SH3RF3: variants seen among roughly 807,000 people sequenced by gnomAD.
SH3RF3 encodes E3 ubiquitin-protein ligase SH3RF3.
SH3RF3 carries 29 observed loss-of-function variants against 66.3 expected under a neutral mutation model. The ratio of observed to expected loss-of-function variants is 0.44; its 90% CI spans 0.33 to 0.60. The LOEUF is 0.60. SH3RF3 is among the 20% of genes least tolerant of loss of function. SH3RF3 has a pLI of 0.04. For synonymous variants in SH3RF3, 583 were observed against 532.0 expected, an observed-to-expected ratio of 1.10 and a Z score of -1.32; for missense variants, 1,194 against 1,190.9, an observed-to-expected ratio of 1.00 and a Z score of -0.04.
chr2:109,206,999 C>T (rs376827261), intron 1 of SH3RF3, among the ~76,000 whole-genome samples: 7 of 152,154 alleles, frequency 4.6e-5, no homozygotes, highest in African/African-American at 1.7e-4. Context: ...TGGCTGAGCG[C>T]TGCATTTGCA....
intron 3 of SH3RF3, among the ~76,000 whole-genome samples, chr2:109,383,566 G>A (rs1675750442): frequency 6.6e-6 from 1 of 152,162 alleles, no homozygotes; most frequent in Admixed American, 6.5e-5. Context: ...GCTGAGGCAC[G>A]TTTAAGATTC....
At chr2:109,403,949 A>G (rs938707165) in intron 4 of SH3RF3, among the ~76,000 whole-genome samples, 1 of 152,150 alleles carries the variant, frequency 6.6e-6, no homozygotes, top group Non-Finnish European at 1.5e-5. Context: ...TGGTAGGTGT[A>G]CCTTGAGTGT....
chr2:109,459,573 C>T (rs1286168829), intron 8 of SH3RF3, among the ~76,000 whole-genome samples: 1 of 152,180 alleles, frequency 6.6e-6, no homozygotes, highest in Non-Finnish European at 1.5e-5. Context: ...CAGACATGCT[C>T]TTGCCCATGT....
intron 1 of SH3RF3, among the ~76,000 whole-genome samples, chr2:109,215,265 G>A (rs1679081095): frequency 6.6e-6 from 1 of 152,206 alleles, no homozygotes; most frequent in Non-Finnish European, 1.5e-5. Flanking sequence ...GGGTAGGGGA[G>A]AAGGCCACTT....
intron 8 of SH3RF3, among the ~76,000 whole-genome samples, chr2:109,477,666 G>A (rs1678722303): frequency 6.6e-6 from 1 of 152,100 alleles, no homozygotes; most frequent in Non-Finnish European, 1.5e-5. Context: ...TCAGCAACAG[G>A]AGTGATTTCC....
chr2:109,393,885 GA>G (rs36100571), intron 3 of SH3RF3, among the ~76,000 whole-genome samples: 7 of 145,814 alleles, frequency 4.8e-5, no homozygotes, highest in South Asian at 4.3e-4. Context: ...CCTTTTTTAA[GA>G]AAAAAAAAAC....
intron 1 of SH3RF3, among the ~76,000 whole-genome samples, chr2:109,154,814 A>G (rs911187092): frequency 6.6e-6 from 1 of 152,174 alleles, no homozygotes; most frequent in African/African-American, 2.4e-5. Context: ...CCTGCTGCAT[A>G]GAGCCTTCTG....
intron 1 of SH3RF3, among the ~76,000 whole-genome samples, chr2:109,239,741 C>A (rs143075799): frequency 0.01 from 1,530 of 152,218 alleles, 11 homozygotes; most frequent in South Asian, 0.024. Flanking sequence ...AATGGAGCCA[C>A]CTGTGGAAAG....
At chr2:109,199,096 A>G (rs1678577491) in intron 1 of SH3RF3, among the ~76,000 whole-genome samples, 1 of 152,018 alleles carries the variant, frequency 6.6e-6, no homozygotes, top group Non-Finnish European at 1.5e-5. Flanking sequence ...ATGGTGGTTC[A>G]TGCCTGTAAT....
intron 9 of SH3RF3, among the ~76,000 whole-genome samples, chr2:109,495,477 CTTTTTTTTTTTTTTTTT>C (rs569509984): frequency 1.5e-4 from 14 of 94,238 alleles, no homozygotes; most frequent in Admixed American, 2.3e-4. Context: ...TCTTTCATTC[CTTTTTTTTTTTTTTTTT>C]TTTTTTTTTT....
At chr2:109,335,416 C>A (rs1186070089) in intron 1 of SH3RF3, among the ~76,000 whole-genome samples, 3 of 152,174 alleles carry the variant, frequency 2.0e-5, no homozygotes, top group African/African-American at 7.2e-5. Context: ...CCCTGGGAAG[C>A]CCGTACCTCT....
At chr2:109,347,975 C>T (rs6725756) in intron 2 of SH3RF3, 26 bp downstream of exon 2, 371,829 of 1,573,392 alleles carry the variant, frequency 0.24, 50,514 homozygotes, top group East Asian at 0.6. Flanking sequence ...GGGTGGGCCC[C>T]GCCAGCCCAT....
intron 1 of SH3RF3, among the ~76,000 whole-genome samples, chr2:109,290,924 A>G (rs1681152555): frequency 6.6e-6 from 1 of 152,264 alleles, no homozygotes; most frequent in African/African-American, 2.4e-5. Flanking sequence ...TTCGTTGAGA[A>G]TAGCTGCTTT....
chr2:109,287,446 C>CT (rs1681053795), intron 1 of SH3RF3, among the ~76,000 whole-genome samples: 1 of 152,174 alleles, frequency 6.6e-6, no homozygotes, highest in African/African-American at 2.4e-5. Context: ...GCTTAGGTAT[C>CT]TCTAGGCTAC....
At chr2:109,400,934 A>G (rs1676297646) in intron 4 of SH3RF3, among the ~76,000 whole-genome samples, 2 of 152,214 alleles carry the variant, frequency 1.3e-5, no homozygotes, top group South Asian at 4.1e-4. Flanking sequence ...TCCCAACCCT[A>G]ACTCCACTCC....
chr2:109,256,682 C>G (rs1366411942), intron 1 of SH3RF3, among the ~76,000 whole-genome samples: 1 of 152,162 alleles, frequency 6.6e-6, no homozygotes. Flanking sequence ...TTTGTTTTCT[C>G]AATCTTTCTT....
chr2:109,190,713 C>G (rs1678331264), intron 1 of SH3RF3, among the ~76,000 whole-genome samples: 1 of 152,010 alleles, frequency 6.6e-6, no homozygotes, highest in East Asian at 1.9e-4. Context: ...AAAAAATTTG[C>G]TAGGTGTTGG....
intron 3 of SH3RF3, among the ~76,000 whole-genome samples, chr2:109,373,831 C>T (rs6730862): frequency 0.019 from 2,915 of 152,268 alleles, 93 homozygotes; most frequent in African/African-American, 0.061. Flanking sequence ...AGGCAGCTGA[C>T]AGTAGCGGAG....
At chr2:109,192,354 C>A (rs925223539) in intron 1 of SH3RF3, among the ~76,000 whole-genome samples, 1 of 152,180 alleles carries the variant, frequency 6.6e-6, no homozygotes, top group African/African-American at 2.4e-5. Context: ...AAAACCTCTT[C>A]TTTTGAGCAG....
Sources: allele counts gnomAD v4.1 joint callset (sites outside exome capture counted in the v4.1 genomes callset), GRCh38; gene constraint gnomAD v4.1.1; transcripts MANE v1.5; gene names NCBI Gene and HGNC (gene_info 2026-07-23, HGNC 2026-07-21).